The following MRE11 variants were observed in gnomAD, a reference collection of about 807,000 sequenced individuals.
MRE11 encodes double-strand break repair protein MRE11.
A neutral mutation model predicts 91.7 loss-of-function variants in MRE11; 62 were observed. That is an observed-to-expected ratio of 0.68 (90% CI 0.55 to 0.84). The LOEUF (loss-of-function observed/expected upper bound fraction) is 0.84, where lower values mean the gene tolerates loss of function less well. Among genes scored for constraint, MRE11 ranks in the 40% least tolerant of loss-of-function variants. The pLI, the probability that MRE11 is intolerant of heterozygous loss-of-function variation, is 0.00. For missense variants in MRE11, 796 were observed against 852.9 expected, an observed-to-expected ratio of 0.93 and a Z score of 0.83; for synonymous variants, 273 against 271.4, an observed-to-expected ratio of 1.01 and a Z score of -0.06.
intron 7 of MRE11, chr11:94,472,789 C>A (rs1946750165): frequency 6.6e-6 from 1 of 152,090 alleles, no homozygotes; most frequent in Non-Finnish European, 1.5e-5. Flanking sequence ...CCATCCCCAA[C>A]ATATGTGCAA....
chr11:94,445,737 G>A, intron 16 of MRE11, 73 bp downstream of exon 16: 3 of 1,060,064 alleles, frequency 2.8e-6, no homozygotes, highest in Non-Finnish European at 3.0e-6. Context: ...CACAAATAAG[G>A]GCTACCAATG....
chr11:94,430,014 C>A (rs748032231), intron 18 of MRE11, 28 bp from the exon 19 acceptor site: 6 of 1,608,398 alleles, frequency 3.7e-6, no homozygotes, highest in Admixed American at 1.7e-5. Flanking sequence ...CAAAAACAAA[C>A]ACAATGAACT....
the MRE11 span, among the ~76,000 whole-genome samples, chr11:94,504,050 T>G: frequency 1.3e-5 from 2 of 152,148 alleles, no homozygotes; most frequent in Non-Finnish European, 2.9e-5. Flanking sequence ...AAACATGAAC[T>G]CATTTATAGG....
intron 15 of MRE11, 58 bp downstream of exon 15, chr11:94,447,161 T>C: frequency 1.3e-6 from 2 of 1,490,094 alleles, no homozygotes; most frequent in Non-Finnish European, 1.9e-6. Flanking sequence ...GATCTAATTC[T>C]GTATTTTCCA....
intron 11 of MRE11, among the ~76,000 whole-genome samples, chr11:94,461,845 G>A (rs1421307222): frequency 1.3e-5 from 2 of 152,186 alleles, no homozygotes; most frequent in African/African-American, 4.8e-5. Flanking sequence ...AGAGGCCGAG[G>A]TGGGCGGATC....
rs959457144 is a variant in MRE11, at chr11:94,416,090, C to T, written c.*4035G>A. 6.6e-6 allele frequency: 1 copy of T among 152,190 alleles called. No individual in the cohort carries two copies. Among genetic ancestry groups the T allele is most frequent in the Non-Finnish European group, 1.5e-5 (1 of 68,044 alleles). The allele number at this position is 152,190 out of a possible 1,614,324, so 9.4% of individuals were successfully genotyped here. A position where few individuals can be genotyped will look rare whatever the true frequency, so the allele number is the denominator to read the frequency against. ...CCTCCCAAAGTGCTAGGATCACAGGCGTGAGCCACCGTGCCCGGTGCTGGG... is the reference window on the plus strand; with the variant it reads ...CCTCCCAAAGTGCTAGGATCACAGGTGTGAGCCACCGTGCCCGGTGCTGGG... On this transcript the variant is annotated 3_prime_UTR_variant, in exon 20 of 20. Transcript: ENST00000323929.
intron 11 of MRE11, among the ~76,000 whole-genome samples, chr11:94,461,361 T>C (rs540022233): frequency 2.4e-4 from 37 of 152,312 alleles, no homozygotes; most frequent in African/African-American, 7.9e-4. Flanking sequence ...AAGATGTTAT[T>C]TGCCATTTTG....
chr11:94,429,516 T>G (rs1242755629), intron 19 of MRE11, among the ~76,000 whole-genome samples: 1 of 152,200 alleles, frequency 6.6e-6, no homozygotes, highest in East Asian at 1.9e-4. Flanking sequence ...AAGAACAAAA[T>G]TATGTCCTTT....
Position 94,446,253 on chromosome 11 carries a change from C to G in MRE11, c.1784-360G>C, listed in dbSNP as rs1350330484. The stretch of plus-strand genomic sequence containing the variant: ...TGAAACCCCACCTCTACTAAAAATA[C>G]AAAAATTAACTGGCATGATGATGGG... On this transcript the variant is annotated intron_variant, in intron 15 of 19. Transcript: ENST00000323929. Among the ~76,000 whole-genome samples, 4 of 152,016 alleles carry G rather than the reference C, an allele frequency of 2.6e-5. No individual in the cohort carries two copies. In the East Asian group the frequency reaches 7.7e-4, roughly 29 times the overall value.
chr11:94,472,850 C>T (rs1946752350), intron 7 of MRE11: 1 of 152,050 alleles, frequency 6.6e-6, no homozygotes, highest in African/African-American at 2.4e-5. Flanking sequence ...TGGTCCCAAG[C>T]ATTTCAGATA....
intron 3 of MRE11, among the ~76,000 whole-genome samples, chr11:94,489,892 C>A (rs1375322901): frequency 2.6e-5 from 4 of 152,124 alleles, no homozygotes; most frequent in African/African-American, 7.2e-5. Flanking sequence ...CTACCTATTT[C>A]TATTTTTGGT....
Position 94,471,563 on chromosome 11 carries a change from A to G in MRE11, c.845+11T>C, listed in dbSNP as rs140145979. On this transcript the variant is annotated intron_variant, in intron 8 of 19. Coordinates refer to ENST00000323929, the MANE Select transcript of MRE11 (RefSeq NM_005591.4). Reference sequence around the variant, plus strand: ...TTTCTTAAAAATTGGCTCAAAATATATAACACTCACTTCTTTACAGCTTCT... The same window carrying G: ...TTTCTTAAAAATTGGCTCAAAATATGTAACACTCACTTCTTTACAGCTTCT... 2.0e-4 allele frequency: 319 copies of G among 1,611,702 alleles called. No individual in the cohort carries two copies. The East Asian group carries it at 5.5e-3, about 28-fold the overall frequency.
intron 7 of MRE11, among the ~76,000 whole-genome samples, chr11:94,473,859 T>C (rs1011001499): frequency 4.6e-5 from 7 of 152,010 alleles, no homozygotes; most frequent in African/African-American, 1.4e-4. Context: ...TAAACCAAGA[T>C]TGAAAAAATA....
At chr11:94,485,495 G>C (rs1488794025) in intron 4 of MRE11, among the ~76,000 whole-genome samples, 1 of 143,798 alleles carries the variant, frequency 7.0e-6, no homozygotes, top group Non-Finnish European at 1.6e-5. Flanking sequence ...CTGCAATTCA[G>C]GTAGAAAAAC....
At chr11:94,442,407 C>T (rs1945805421) in intron 16 of MRE11, among the ~76,000 whole-genome samples, 1 of 152,116 alleles carries the variant, frequency 6.6e-6, no homozygotes, top group African/African-American at 2.4e-5. Flanking sequence ...ATGAATTCTA[C>T]CCACTGGAGT....
rs13447641 is a variant in MRE11 at position 94,466,318 on chromosome 11, T to TA, written c.1098+1494dup. On this transcript the variant is annotated intron_variant, in intron 10 of 19. Transcript: ENST00000323929. ...TGTTTTACAAAGATCATTTTGGCAT[T>TA]AGTGTGGAGAGAGAAGGAAACTGGA... Among the ~76,000 whole-genome samples, 59 of 152,198 alleles carry TA rather than the reference T, an allele frequency of 3.9e-4. 1 individual carries two copies. The East Asian group carries it at 8.7e-3, about 22-fold the overall frequency.
chr11:94,459,765 A>G (rs1199141605), intron 12 of MRE11, among the ~76,000 whole-genome samples, 184 bp from the exon 13 acceptor site: 1 of 152,222 alleles, frequency 6.6e-6, no homozygotes, highest in East Asian at 1.9e-4. Context: ...GGAGGAGTAC[A>G]GGACACGTGA....
At chr11:94,471,043 C>G (rs1478095464) in intron 8 of MRE11, among the ~76,000 whole-genome samples, 1 of 151,982 alleles carries the variant, frequency 6.6e-6, no homozygotes, top group East Asian at 1.9e-4. Flanking sequence ...AACCAACCAA[C>G]ATAGATTCTA....
chr11:94,489,970 G>A (rs1180102377), intron 3 of MRE11, among the ~76,000 whole-genome samples: 1 of 151,800 alleles, frequency 6.6e-6, no homozygotes. Context: ...TCCCCACCCC[G>A]CTACAACTAA....
Sources: gnomAD v4.1 joint callset for allele counts (sites outside exome capture counted in the v4.1 genomes callset) on GRCh38, gnomAD v4.1.1 for gene constraint, MANE v1.5 for transcripts, NCBI Gene and HGNC (gene_info 2026-07-23, HGNC 2026-07-21) for gene names.